Variants in RBM19 observed in about 807,000 individuals in gnomAD.
RBM19 encodes probable RNA-binding protein 19.
RBM19 carries 94 observed loss-of-function variants against 116.8 expected under a neutral mutation model. That is an observed-to-expected ratio of 0.80 (90% CI 0.68 to 0.95). The LOEUF (loss-of-function observed/expected upper bound fraction) is 0.95, where lower values mean the gene tolerates loss of function less well. Among genes scored for constraint, RBM19 ranks in the 40% least tolerant of loss-of-function variants. RBM19 has a pLI of 0.00. For synonymous variants in RBM19, 475 were observed against 494.1 expected, an observed-to-expected ratio of 0.96 and a Z score of 0.51; for missense variants, 1,161 against 1,220.7, an observed-to-expected ratio of 0.95 and a Z score of 0.73.
intron 21 of RBM19, among the ~76,000 whole-genome samples, chr12:113,861,584 G>A (rs1878396599): frequency 2.0e-5 from 3 of 151,856 alleles, no homozygotes; most frequent in Admixed American, 2.0e-4. Context: ...GAGAGAGAGA[G>A]AAAGAGACTG....
In RBM19 at chr12:113,846,220, G is replaced by A. The variant is rs997369622; in HGVS notation, c.2665-1432C>T. 4.6e-5 allele frequency among the ~76,000 whole-genome samples: 7 copies of A among 152,326 alleles called. No homozygotes were observed. The East Asian group carries it at 1.4e-3, about 29-fold the overall frequency. ...TTGCTTTGCTTCTGGGTTGCAGAGA[G>A]CACCAGTGGGTACAAGAAGAGGAGG... On this transcript the variant is annotated intron_variant, in intron 22 of 23. Transcript: ENST00000261741.
chr12:113,937,302 CCT>C, intron 15 of RBM19, 166 bp from the exon 16 acceptor site: 1 of 732,080 alleles, frequency 1.4e-6, no homozygotes, highest in Non-Finnish European at 2.1e-6. Context: ...CTGTCTACTC[CCT>C]GAGGACAACA....
At chr12:113,856,471 A>G (rs779377364) in intron 22 of RBM19, among the ~76,000 whole-genome samples, 5 of 152,226 alleles carry the variant, frequency 3.3e-5, no homozygotes, top group Non-Finnish European at 7.3e-5. Context: ...CCATGTCCCA[A>G]GGGCTGTGTC....
rs1871779871 is a variant in RBM19 at position 113,954,895 on chromosome 12, C to G, written c.921+236G>C. ...TTCTTTAACAGAGTGTGTGCCCACC[C>G]TGGTGTGGGTACTGGTGAGTGAAAC... is the stretch of plus-strand genomic sequence containing the variant. On this transcript the variant is annotated intron_variant, in intron 7 of 23. Coordinates refer to ENST00000261741, the MANE Select transcript of RBM19 (RefSeq NM_016196.4). Among the ~76,000 whole-genome samples the G allele has an allele frequency of 1.3e-5, 2 of 152,138 alleles. 1 individual carries two copies. Among genetic ancestry groups the G allele is most frequent in the South Asian group, 4.1e-4 (2 of 4,824 alleles).
chr12:113,954,026 A>C (rs528796047), intron 7 of RBM19, among the ~76,000 whole-genome samples: 1 of 152,364 alleles, frequency 6.6e-6, no homozygotes, highest in South Asian at 2.1e-4. Context: ...CCACGTCCCA[A>C]TTTAGGGGAC....
At chr12:113,862,041 A>G (rs1878441360) in intron 21 of RBM19, among the ~76,000 whole-genome samples, 2 of 152,230 alleles carry the variant, frequency 1.3e-5, no homozygotes, top group Non-Finnish European at 2.9e-5. Context: ...ACAGGACATG[A>G]GAGAACTGAA....
At chr12:113,897,711 G>A (rs746510624) in intron 21 of RBM19, among the ~76,000 whole-genome samples, 27 of 152,224 alleles carry the variant, frequency 1.8e-4, no homozygotes, top group South Asian at 4.1e-4. Context: ...CGTGCAGGTT[G>A]AATACTGCAC....
intron 7 of RBM19, 38 bp from the exon 8 acceptor site, chr12:113,952,628 A>G: frequency 2.6e-6 from 4 of 1,543,648 alleles, no homozygotes; most frequent in Non-Finnish European, 3.6e-6. Flanking sequence ...CCAACCACAT[A>G]ATAAAAGTAC....
intron 22 of RBM19, among the ~76,000 whole-genome samples, chr12:113,845,598 T>C (rs1876897987): frequency 6.6e-6 from 1 of 152,074 alleles, no homozygotes. Context: ...CCCACACCCC[T>C]TAGCTAGCAG....
Position 113,966,242 on chromosome 12 carries a change from G to A in RBM19, c.-15C>T, listed in dbSNP as rs1460720278. The A allele has an allele frequency of 1.2e-6, 2 of 1,614,048 alleles. No individual in the cohort carries two copies. The highest frequency in any genetic ancestry group is 1.3e-5 in the African/African-American group (1 of 74,932). On this transcript the variant is annotated 5_prime_UTR_variant, in exon 1 of 24. Transcript: ENST00000261741. Reference sequence around the variant, plus strand: ...AGTCGCGACATGGCGCAGGGTCCCCGCTGTTTTGATTCCAACACGACTGGT... The same window carrying A: ...AGTCGCGACATGGCGCAGGGTCCCCACTGTTTTGATTCCAACACGACTGGT...
In RBM19 at chr12:113,903,959, C is replaced by T. The variant is rs533006040; in HGVS notation, c.2558+11010G>A. Among the ~76,000 whole-genome samples the T allele has an allele frequency of 6.6e-6, 1 of 152,324 alleles. No individual in the cohort carries two copies. The highest frequency in any genetic ancestry group is 1.5e-5 in the Non-Finnish European group (1 of 68,028). ...TGGGATTCTGTTGAGCTACATCCCA[C>T]AGCTGGTTAATGTGAACCCTGGAGT... is the stretch of plus-strand genomic sequence containing the variant. On this transcript the variant is annotated intron_variant, in intron 21 of 23. Transcript: ENST00000261741. This position sits in a 1 kb window ranked among gnomAD's most constrained non-coding sequence, Gnocchi z 5.1.
intron 22 of RBM19, among the ~76,000 whole-genome samples, chr12:113,857,769 C>T (rs967230175): frequency 1.4e-4 from 22 of 152,230 alleles, no homozygotes; most frequent in African/African-American, 3.4e-4. Context: ...CCACAAAGGC[C>T]ACAGCTGTGT....
chr12:113,923,194 A>G (rs2135870314), intron 18 of RBM19, among the ~76,000 whole-genome samples: 1 of 152,280 alleles, frequency 6.6e-6, no homozygotes, highest in East Asian at 1.9e-4. Context: ...ATATGATTGG[A>G]TGACTGCTGT....
In RBM19 at chr12:113,898,239, C is replaced by T. The variant is rs1343417266; in HGVS notation, c.2558+16730G>A. On this transcript the variant is annotated intron_variant, in intron 21 of 23. Transcript: ENST00000261741. This position sits in a 1 kb window ranked among gnomAD's most constrained non-coding sequence, Gnocchi z 4.3. ...GAGAGGATTTGCTCTTTTTGTAGGA[C>T]AATTTCAGGTTTTTCTGTTTTTATT... is the stretch of plus-strand genomic sequence containing the variant. 2.0e-5 allele frequency among the ~76,000 whole-genome samples: 3 copies of T among 152,070 alleles called. No individual in the cohort carries two copies. Among genetic ancestry groups the T allele is most frequent in the Non-Finnish European group, 4.4e-5 (3 of 68,024 alleles).
At chr12:113,856,059 T>C (rs569974449) in intron 22 of RBM19, among the ~76,000 whole-genome samples, 1 of 152,078 alleles carries the variant, frequency 6.6e-6, no homozygotes, top group Non-Finnish European at 1.5e-5. Flanking sequence ...AGCCCCAGTG[T>C]GGGAGAGGGA....
At chr12:113,900,565 G>A (rs1374812815) in intron 21 of RBM19, among the ~76,000 whole-genome samples, 3 of 152,246 alleles carry the variant, frequency 2.0e-5, no homozygotes, top group South Asian at 2.1e-4. Context: ...TCATGTAATC[G>A]CCGGAGGTCA....
chr12:113,944,909 A>C (rs1870896706), intron 13 of RBM19, among the ~76,000 whole-genome samples: 3 of 151,728 alleles, frequency 2.0e-5, no homozygotes, highest in Admixed American at 1.3e-4. Context: ...ACACACACAC[A>C]CCCCTACTTG....
At chr12:113,918,257 T>C (rs1882893938) in intron 20 of RBM19, 135 bp downstream of exon 20, 1 of 843,398 alleles carries the variant, frequency 1.2e-6, no homozygotes, top group Non-Finnish European at 1.9e-6. Flanking sequence ...GCATCTTAAT[T>C]AGGAAGAGTC....
intron 23 of RBM19, among the ~76,000 whole-genome samples, chr12:113,832,894 G>C (rs766143349): frequency 1.3e-5 from 2 of 152,200 alleles, no homozygotes; most frequent in East Asian, 1.9e-4. Flanking sequence ...CTGACGTGGG[G>C]ATAACGGGCT....
Sources: allele counts gnomAD v4.1 joint callset (sites outside exome capture counted in the v4.1 genomes callset), GRCh38; gene constraint gnomAD v4.1.1; non-coding constraint Gnocchi (gnomAD v3.1); transcripts MANE v1.5; gene names NCBI Gene and HGNC (gene_info 2026-07-23, HGNC 2026-07-21).